MYO19: variants seen among roughly 807,000 people sequenced by gnomAD.
The protein encoded by MYO19 is myosin XIX.
Under a neutral mutation model 129.2 loss-of-function variants are expected in MYO19, and 132 were observed. That is an observed-to-expected ratio of 1.02 (90% CI 0.89 to 1.18). MYO19 has a LOEUF of 1.18. Ranked by LOEUF, MYO19 falls within the 50% of genes most tolerant of loss-of-function variation. The probability of loss-of-function intolerance (pLI) is 0.00; values close to 1 mark genes in which losing one functional copy is unlikely to be tolerated. For missense variants in MYO19, 1,210 were observed against 1,216.7 expected, an observed-to-expected ratio of 0.99 and a Z score of 0.08; for synonymous variants, 531 against 477.2, an observed-to-expected ratio of 1.11 and a Z score of -1.47.
Position 36,510,759 on chromosome 17 carries a change from G to T in MYO19, c.1144C>A (p.Leu382Met), listed in dbSNP as rs774183057. ...GTAACTGCTCACCGCGCATAGATCA[G>T]TTTGGCCAGGCAGTCTCTACGGGTG... ...CDTRRDCLAKLIYARLFDWLV... is the reference protein window; with the variant it reads ...CDTRRDCLAKMIYARLFDWLV... The change falls in exon 13 of 26, where the codon CTG (leucine) becomes ATG (methionine). Residue 382 changes from leucine (L) to methionine (M), a missense_variant. By Grantham distance (15) the Leu-to-Met change is conservative (BLOSUM62 2). Coordinates refer to ENST00000614623, the MANE Select transcript of MYO19 (RefSeq NM_001163735.2). The T allele has an allele frequency of 6.2e-7, 1 of 1,607,556 alleles. No homozygotes were observed. The highest frequency in any genetic ancestry group is 1.7e-5 in the Admixed American group (1 of 59,368).
chr17:36,503,975 T>A lies in MYO19; in HGVS notation c.1951A>T (p.Ile651Phe). 1 of 1,592,640 alleles carries A rather than the reference T, an allele frequency of 6.3e-7. No homozygotes were observed. Among genetic ancestry groups the A allele is most frequent in the Non-Finnish European group, 8.5e-7 (1 of 1,170,846 alleles). The change falls in exon 20 of 26, where the codon ATC (isoleucine) becomes TTC (phenylalanine). Residue 651 changes from isoleucine to phenylalanine, a missense_variant. By Grantham distance (21) the Ile-to-Phe change is conservative. Coordinates refer to ENST00000614623, the MANE Select transcript of MYO19 (RefSeq NM_001163735.2). ...CGGATGGGGAAGCCAGCAGCACTGA[T>A]ATGGATGGTCTCCACGAGGCCACAG... ...EACGLVETIH[I>F]SAAGFPIRVS... is the part of the protein sequence containing the mutation.
In MYO19 at chr17:36,510,805, GGGCTTC is replaced by G; in HGVS notation, c.1092_1097del (p.Lys365_Pro366del). On this transcript the variant is annotated inframe_deletion, in exon 13 of 26. Transcript: ENST00000614623. ...GGGTGTCACACTCGGCTCGGGCGCAGGGCTTCCGGAACACCTGCTGCTGTCTGCCTG... is the reference window on the plus strand; with the variant it reads ...GGGTGTCACACTCGGCTCGGGCGCAGCGGAACACCTGCTGCTGTCTGCCTG... The G allele has an allele frequency of 6.2e-7, 1 of 1,600,568 alleles. No homozygotes were observed. The highest frequency in any genetic ancestry group is 8.5e-7 in the Non-Finnish European group (1 of 1,173,776).
rs2070944791 is a variant in MYO19, at chr17:36,496,140, T to C, written c.*111A>G. On this transcript the variant is annotated 3_prime_UTR_variant, in exon 26 of 26. Transcript: ENST00000614623. The stretch of plus-strand genomic sequence containing the variant: ...CGAAGGCTGGAGCCGTCACTGTTGT[T>C]CATGTGCATTTGGAGCACTGTGGGA... 7.1e-7 allele frequency: 1 copy of C among 1,414,640 alleles called. No homozygotes were observed. The highest frequency in any genetic ancestry group is 1.4e-5 in the African/African-American group (1 of 71,030). 87.6% of individuals were successfully genotyped at this position (1,414,640 alleles called of 1,614,324 possible).
Position 36,510,756 on chromosome 17 carries a change from T to A in MYO19, c.1147A>T (p.Ile383Phe), listed in dbSNP as rs779910223. Residue 383 changes from isoleucine (I) to phenylalanine (F), a missense_variant, in exon 13 of 26, where the codon ATC (isoleucine) becomes TTC (phenylalanine). Transcript: ENST00000614623. ...DTRRDCLAKL[I>F]YARLFDWLVS... ...AGAGTAACTGCTCACCGCGCATAGA[T>A]CAGTTTGGCCAGGCAGTCTCTACGG... The A allele has an allele frequency of 1.3e-5, 21 of 1,606,416 alleles. No homozygotes were observed. The highest frequency in any genetic ancestry group is 3.3e-4 in the Middle Eastern group (2 of 6,072).
intron 20 of MYO19, among the ~76,000 whole-genome samples, chr17:36,503,529 T>G (rs1359551728): frequency 2.0e-5 from 3 of 152,184 alleles, no homozygotes; most frequent in African/African-American, 7.2e-5. Flanking sequence ...ATTGGACCAG[T>G]CCTATGACGC....
Position 36,495,774 on chromosome 17 carries a change from TTTAA to T in MYO19, c.*473_*476del, listed in dbSNP as rs148152651. 2.5e-3 allele frequency: 3,139 copies of T among 1,240,846 alleles called. 15 individuals are homozygous for T. The highest frequency in any genetic ancestry group is 0.016 in the African/African-American group (1,045 of 64,680). 76.9% of individuals were successfully genotyped at this position (1,240,846 alleles called of 1,614,324 possible). ...CTACTGTACATTGCATTATTCATAA[TTTAA>T]TTGTTTGAAATTACATTAAATAAAT... is the stretch of plus-strand genomic sequence containing the variant. On this transcript the variant is annotated 3_prime_UTR_variant, in exon 26 of 26. Coordinates refer to ENST00000614623, the MANE Select transcript of MYO19 (RefSeq NM_001163735.2).
At position 36,507,415 on chromosome 17, in the gene MYO19, C is replaced by G. The variant is rs373141152; in HGVS notation, c.1451G>C (p.Cys484Ser). The G allele has an allele frequency of 6.2e-7, 1 of 1,613,426 alleles. No individual in the cohort carries two copies. Among genetic ancestry groups the G allele is most frequent in the South Asian group, 1.1e-5 (1 of 91,064 alleles). Residue 484 changes from cysteine to serine, a missense_variant, in exon 16 of 26, where the codon TGC becomes TCC. Coordinates refer to ENST00000614623, the MANE Select transcript of MYO19 (RefSeq NM_001163735.2). ...DLIEGSPISI[C>S]SLINEECRLN... Reference sequence around the variant, plus strand: ...CCTCCCCACCTCATTTATGAGGGAGCAGATGCTGATGGGGCTTCCCTCAAT... The same window carrying G: ...CCTCCCCACCTCATTTATGAGGGAGGAGATGCTGATGGGGCTTCCCTCAAT...
At chr17:36,527,484 G>A (rs2142372686) in intron 5 of MYO19, 67 bp downstream of exon 5, 3 of 1,533,268 alleles carry the variant, frequency 2.0e-6, no homozygotes, top group Non-Finnish European at 2.6e-6. Context: ...AAGGACAGGG[G>A]TAACTGCAAA....
intron 25 of MYO19, among the ~76,000 whole-genome samples, chr17:36,496,626 A>G (rs989455621): frequency 3.3e-5 from 5 of 152,206 alleles, no homozygotes; most frequent in Non-Finnish European, 7.3e-5. Flanking sequence ...TCACATTCCT[A>G]TGACTGCTTA....
rs181191050 is a variant in MYO19, at chr17:36,532,541, T to A, written c.-3A>T. 48 of 1,554,846 alleles carry A rather than the reference T, an allele frequency of 3.1e-5. 1 individual carries two copies. In the East Asian group the frequency reaches 6.5e-4, roughly 21 times the overall value. ...TGAGGTTTTACCTGCTGGAGCATCC[T>A]CCTTCAAAGTGGTCAGCCAGGGTTC... is the stretch of plus-strand genomic sequence containing the variant. On this transcript the variant is annotated 5_prime_UTR_variant, in exon 3 of 26. Coordinates refer to ENST00000614623, the MANE Select transcript of MYO19 (RefSeq NM_001163735.2).
chr17:36,514,088 T>C (rs973981620), intron 9 of MYO19, among the ~76,000 whole-genome samples: 4 of 152,132 alleles, frequency 2.6e-5, no homozygotes, highest in East Asian at 1.9e-4. Flanking sequence ...CCCAGTCCGA[T>C]GGAAAAGGCA....
In MYO19 at chr17:36,541,011, C is replaced by T. The variant is rs546469406; in HGVS notation, n.395+1070G>A. Among the ~76,000 whole-genome samples the T allele has an allele frequency of 4.6e-5, 7 of 151,464 alleles. No homozygotes were observed. The South Asian group carries it at 1.0e-3, about 23-fold the overall frequency. On this transcript the variant is annotated intron_variant and non_coding_transcript_variant, in intron 2 of 2. Coordinates refer to the MYO19 transcript ENST00000610496. ...TAATTTTAATTTTTTTTTTTTGAGG[C>T]GCAGTCTTGCTCTGTTACCCAGGCT...
At position 36,507,932 on chromosome 17, in the gene MYO19, G is replaced by A; in HGVS notation, c.1232-8C>T. 1 of 1,592,162 alleles carries A rather than the reference G, an allele frequency of 6.3e-7. No homozygotes were observed. The highest frequency in any genetic ancestry group is 1.1e-5 in the South Asian group (1 of 88,548). ...CATACACATCCAGCAGGCCTGGGAA[G>A]ATGGCAGAGAACCCATGGGGCCACT... On this transcript the variant is annotated splice_region_variant and splice_polypyrimidine_tract_variant and intron_variant, in intron 14 of 25. Transcript: ENST00000614623.
At chr17:36,537,293 A>G, upstream of MYO19, 2 of 1,613,610 alleles carry the variant, frequency 1.2e-6, no homozygotes, top group South Asian at 1.1e-5. Context: ...TTGTTGTCCT[A>G]ATAGTTCCCA....
At chr17:36,499,557 T>C in intron 23 of MYO19, 1 of 165,352 alleles carries the variant, frequency 6.0e-6, no homozygotes, top group Non-Finnish European at 1.3e-5. Flanking sequence ...GCTTTATGCA[T>C]CCCTGATCTC....
chr17:36,515,835 T>C (rs2072708894), intron 7 of MYO19, 23 bp downstream of exon 7: 3 of 1,594,620 alleles, frequency 1.9e-6, no homozygotes, highest in African/African-American at 1.3e-5. Context: ...ACTGAGATAC[T>C]GTGCAAAGGA....
At chr17:36,528,245 A>G in intron 3 of MYO19, 43 bp from the exon 4 acceptor site, 7 of 1,542,304 alleles carry the variant, frequency 4.5e-6, no homozygotes, top group Non-Finnish European at 6.1e-6. Context: ...ACAGTGGCTC[A>G]TGCCTATAAT....
chr17:36,504,182 A>C, intron 19 of MYO19, 162 bp from the exon 20 acceptor site: 1 of 527,874 alleles, frequency 1.9e-6, no homozygotes, highest in Non-Finnish European at 3.3e-6. Flanking sequence ...TGAGAAATCG[A>C]GGGACCTTGA....
At chr17:36,536,994 G>T, upstream of MYO19, 1 of 1,036,416 alleles carries the variant, frequency 9.6e-7, no homozygotes, top group Non-Finnish European at 1.4e-6. Context: ...CCAAAGTTCT[G>T]CTCTGAAATC....
Sources: gnomAD v4.1 joint callset for allele counts (sites outside exome capture counted in the v4.1 genomes callset) on GRCh38, gnomAD v4.1.1 for gene constraint, MANE v1.5 for transcripts, NCBI Gene and HGNC (gene_info 2026-07-23, HGNC 2026-07-21) for gene names.